Variants in IGSF10 observed in about 807,000 individuals in gnomAD.
IGSF10 encodes calvaria mechanical force protein 608.
In IGSF10, 126 loss-of-function variants were observed where a neutral mutation model predicts 128.2. That is an observed-to-expected ratio of 0.98 (90% CI 0.85 to 1.14). The LOEUF is 1.14. Among genes scored for constraint, IGSF10 ranks in the 50% most tolerant of loss-of-function variants. The pLI, the probability that IGSF10 is intolerant of heterozygous loss-of-function variation, is 0.00. For missense variants in IGSF10, 3,295 were observed against 3,149.8 expected (o/e 1.05, Z -1.10); for synonymous variants, 1,185 against 1,146.2 (o/e 1.03, Z -0.68).
chr3:151,465,896 A>C (rs1722265822), upstream of IGSF10, among the ~76,000 whole-genome samples: 1 of 152,212 alleles, frequency 6.6e-6, no homozygotes, highest in Non-Finnish European at 1.5e-5. Flanking sequence ...AGTCTTGGCC[A>C]ATCCTAGCAG....
At chr3:151,592,221 T>TACACACACACAC in the IGSF10 span, among the ~76,000 whole-genome samples, 33 of 150,338 alleles carry the variant, frequency 2.2e-4, no homozygotes, top group African/African-American at 7.9e-4. Flanking sequence ...TTGAGATTAA[T>TACACACACACAC]ACACACACAC....
At chr3:151,499,340 G>T in the IGSF10 span, among the ~76,000 whole-genome samples, 4 of 152,126 alleles carry the variant, frequency 2.6e-5, no homozygotes, top group Non-Finnish European at 4.4e-5. Context: ...ATGTCAGTTT[G>T]GCATTGGCAG....
chr3:151,456,164 T>C (rs762547686), intron 4 of IGSF10, among the ~76,000 whole-genome samples: 2 of 152,232 alleles, frequency 1.3e-5, no homozygotes, highest in Non-Finnish European at 2.9e-5. Context: ...AAATAGAGCC[T>C]GATTAACCAA....
the IGSF10 span, among the ~76,000 whole-genome samples, chr3:151,532,114 C>A: frequency 6.6e-6 from 1 of 152,142 alleles, no homozygotes; most frequent in Non-Finnish European, 1.5e-5. Flanking sequence ...TACACCCTCC[C>A]AAGACTAAAC....
the IGSF10 span, among the ~76,000 whole-genome samples, chr3:151,598,682 T>C: frequency 1.6e-4 from 24 of 152,238 alleles, no homozygotes; most frequent in African/African-American, 5.8e-4. Flanking sequence ...AAAATATGTG[T>C]ACATTCAGTA....
At chr3:151,616,256 C>T in the IGSF10 span, among the ~76,000 whole-genome samples, 8 of 152,144 alleles carry the variant, frequency 5.3e-5, no homozygotes, top group East Asian at 9.7e-4. Context: ...CATGAGCCAC[C>T]GTGCCTGGCA....
chr3:151,619,169 A>T, the IGSF10 span, among the ~76,000 whole-genome samples: 1 of 152,156 alleles, frequency 6.6e-6, no homozygotes, highest in African/African-American at 2.4e-5. Flanking sequence ...ACATATAAAG[A>T]TCTCACATGT....
At chr3:151,615,731 T>C in the IGSF10 span, among the ~76,000 whole-genome samples, 4 of 152,070 alleles carry the variant, frequency 2.6e-5, no homozygotes, top group African/African-American at 7.2e-5. Context: ...AGTGATTAAA[T>C]AGAGCTTTAA....
chr3:151,438,460 C>G lies in IGSF10; in HGVS notation c.6101G>C (p.Arg2034Thr). The stretch of plus-strand genomic sequence containing the variant: ...GTGGTCAATTTTGGCAGGTTTCAGT[C>G]TTAGGCTAACATGCATCAGTATCAG... Reference protein sequence around the residue: ...DDLILMHVSLRLKPAKIDHKQ... With the variant: ...DDLILMHVSLTLKPAKIDHKQ... The change falls in exon 8 of 8, where the codon AGA (arginine) becomes ACA (threonine). Residue 2034 changes from arginine (R) to threonine (T), a missense_variant. Physicochemically the swap from Arg to Thr is moderately conservative, Grantham distance 71. Coordinates refer to ENST00000282466, the MANE Select transcript of IGSF10 (RefSeq NM_178822.5). The G allele has an allele frequency of 6.2e-7, 1 of 1,614,134 alleles. No individual in the cohort carries two copies. The highest frequency in any genetic ancestry group is 8.5e-7 in the Non-Finnish European group (1 of 1,180,014).
the IGSF10 span, among the ~76,000 whole-genome samples, chr3:151,468,545 C>T: frequency 2.0e-3 from 310 of 152,268 alleles, 1 homozygote; most frequent in Non-Finnish European, 3.0e-3. Flanking sequence ...TGACGGGGCT[C>T]CCAGGGATTC....
intron 5 of IGSF10, among the ~76,000 whole-genome samples, chr3:151,451,600 T>C (rs969723795): frequency 6.6e-6 from 1 of 152,178 alleles, no homozygotes; most frequent in East Asian, 1.9e-4. Context: ...TGCCTTACAA[T>C]TGAGGATGTT....
chr3:151,548,797 C>A, the IGSF10 span, among the ~76,000 whole-genome samples: 1 of 151,746 alleles, frequency 6.6e-6, no homozygotes. Flanking sequence ...GACTAATAAT[C>A]TTCTAATTTT....
rs1348870751 is a variant in IGSF10 at position 151,446,236 on chromosome 3, G to A, written c.3745C>T (p.Pro1249Ser). The change falls in exon 6 of 8, where the codon CCT becomes TCT. Residue 1249 changes from proline (P) to serine (S), a missense_variant. By Grantham distance (74) the Pro-to-Ser change is moderately conservative. Coordinates refer to ENST00000282466, the MANE Select transcript of IGSF10 (RefSeq NM_178822.5). ...GTTGAAAGTGTGGTGAAATGGAAAG[G>A]GGAGACTTTGTCTCTGGGTAAAGCA... Reference protein sequence around the residue: ...SPALPRDKVSPFHFTTLSTSV... With the variant: ...SPALPRDKVSSFHFTTLSTSV... 4 of 1,613,796 alleles carry A rather than the reference G, an allele frequency of 2.5e-6. No individual in the cohort carries two copies. The East Asian group carries it at 8.9e-5, about 36-fold the overall frequency.
In IGSF10 at chr3:151,460,963, C is replaced by T; in HGVS notation, c.-106G>A. ...GCGCTCACCTGTTTGCCCTGGTGAC[C>T]AATGGGCTCGAGCTGCCCGGGCTAG... is the stretch of plus-strand genomic sequence containing the variant. On this transcript the variant is annotated 5_prime_UTR_variant, in exon 1 of 8. Coordinates refer to ENST00000282466, the MANE Select transcript of IGSF10 (RefSeq NM_178822.5). 2.0e-6 allele frequency: 2 copies of T among 985,378 alleles called. No homozygotes were observed. Among genetic ancestry groups the T allele is most frequent in the Non-Finnish European group, 2.4e-6 (2 of 829,914 alleles). The allele number at this position is 985,378 out of a possible 1,614,324, so 61.0% of individuals were successfully genotyped here.
chr3:151,603,870 A>G, the IGSF10 span, among the ~76,000 whole-genome samples: 1 of 152,204 alleles, frequency 6.6e-6, no homozygotes, highest in Non-Finnish European at 1.5e-5. Context: ...AGTCAGGCAG[A>G]AAAAATACTT....
Position 151,447,334 on chromosome 3 carries a change from G to T in IGSF10, c.2647C>A (p.Gln883Lys), listed in dbSNP as rs377561455. ...GATGAATGTTGATTGGTTGTGCCTT[G>T]TATTTGGCTTGACATGGTTGGGTTT... ...NINPTMSSQIQGTTNQHSSTV... is the reference protein window; with the variant it reads ...NINPTMSSQIKGTTNQHSSTV... The change falls in exon 6 of 8, where the codon CAA becomes AAA. Residue 883 changes from glutamine (Q) to lysine (K), a missense_variant. By Grantham distance (53) the Gln-to-Lys change is moderately conservative (BLOSUM62 1). Coordinates refer to ENST00000282466, the MANE Select transcript of IGSF10 (RefSeq NM_178822.5). 10 of 1,614,074 alleles carry T rather than the reference G, an allele frequency of 6.2e-6. No homozygotes were observed. In the African/African-American group the frequency reaches 9.3e-5, roughly 15 times the overall value.
At chr3:151,503,806 G>A in the IGSF10 span, among the ~76,000 whole-genome samples, 2 of 152,112 alleles carry the variant, frequency 1.3e-5, no homozygotes, top group Non-Finnish European at 2.9e-5. Context: ...GCAGGTAGAG[G>A]GTTAGGGAGA....
the IGSF10 span, among the ~76,000 whole-genome samples, chr3:151,518,092 C>T: frequency 1.3e-5 from 2 of 151,962 alleles, no homozygotes; most frequent in Non-Finnish European, 2.9e-5. Flanking sequence ...TAGCTTAAAG[C>T]TGCCTACTTA....
chr3:151,478,743 CTA>C, the IGSF10 span, among the ~76,000 whole-genome samples: 1 of 151,842 alleles, frequency 6.6e-6, no homozygotes, highest in Non-Finnish European at 1.5e-5. Context: ...AGGATAAACA[CTA>C]AAAGATAAAA....
Sources: allele counts gnomAD v4.1 joint callset (sites outside exome capture counted in the v4.1 genomes callset), GRCh38; gene constraint gnomAD v4.1.1; transcripts MANE v1.5; gene names NCBI Gene and HGNC (gene_info 2026-07-23, HGNC 2026-07-21).